The following SEC24B variants were observed in gnomAD, a reference collection of about 807,000 sequenced individuals.
The protein encoded by SEC24B is protein transport protein Sec24B.
SEC24B carries 45 observed loss-of-function variants against 142.8 expected under a neutral mutation model. The observed-to-expected ratio is 0.32, with a 90% CI of 0.25 to 0.40. The LOEUF (loss-of-function observed/expected upper bound fraction) is 0.40, where lower values mean the gene tolerates loss of function less well. Ranked by LOEUF, SEC24B falls within the 10% of genes least tolerant of loss-of-function variation. The pLI is 1.00. For synonymous variants in SEC24B, 574 were observed against 568.2 expected, an observed-to-expected ratio of 1.01 and a Z score of -0.15; for missense variants, 1,409 against 1,526.8, an observed-to-expected ratio of 0.92 and a Z score of 1.29.
In SEC24B at chr4:109,513,868, G is replaced by C. The variant is rs1390509296; in HGVS notation, c.2013+12G>C. The C allele has an allele frequency of 6.6e-7, 1 of 1,509,708 alleles. No individual in the cohort carries two copies. The highest frequency in any genetic ancestry group is 2.3e-5 in the East Asian group (1 of 44,326). The allele number at this position is 1,509,708 out of a possible 1,614,324, so 93.5% of individuals were successfully genotyped here. ...CTTCAGATTACATGGTAACTATTCA[G>C]TGTTAAGATTTGTTATGGAACACAA... is the stretch of plus-strand genomic sequence containing the variant. On this transcript the variant is annotated intron_variant, in intron 10 of 23. Transcript: ENST00000265175.
intron 21 of SEC24B, among the ~76,000 whole-genome samples, chr4:109,533,323 G>C (rs1402661324): frequency 6.6e-6 from 1 of 152,148 alleles, no homozygotes; most frequent in Non-Finnish European, 1.5e-5. Context: ...GAAATACAGT[G>C]AGTCAATTAT....
At chr4:109,435,412 A>T (rs1433447086) in intron 1 of SEC24B, among the ~76,000 whole-genome samples, 2 of 152,228 alleles carry the variant, frequency 1.3e-5, no homozygotes, top group South Asian at 2.1e-4. Context: ...AGCTTTATGA[A>T]GGAACTAGAA....
intron 4 of SEC24B, among the ~76,000 whole-genome samples, chr4:109,487,152 T>TGA (rs1308335784): frequency 7.5e-6 from 1 of 132,852 alleles, no homozygotes; most frequent in East Asian, 2.1e-4. Context: ...GTGACAAGAG[T>TGA]GAGACTCTGT....
rs1327497563 is a variant in SEC24B, at chr4:109,540,219, T to G, written c.*544T>G. ...TATAGAAAAAAATCTATATATAATG[T>G]ACATAAATGTTACATTTGTAAAGAA... On this transcript the variant is annotated 3_prime_UTR_variant, in exon 24 of 24. Transcript: ENST00000265175. The G allele has an allele frequency of 5.2e-5, 8 of 152,700 alleles. No individual in the cohort carries two copies. Among genetic ancestry groups the G allele is most frequent in the African/African-American group, 1.9e-4 (8 of 41,464 alleles). The allele number at this position is 152,700 out of a possible 1,614,324, so 9.5% of individuals were successfully genotyped here.
chr4:109,477,160 A>AC (rs1733261837), intron 3 of SEC24B, among the ~76,000 whole-genome samples: 1 of 150,232 alleles, frequency 6.7e-6, no homozygotes, highest in African/African-American at 2.4e-5. Context: ...AAAAAAAAAA[A>AC]AAAAAGACCT....
In SEC24B at chr4:109,526,248, C is replaced by T. The variant is rs925751909; in HGVS notation, c.2814C>T (p.His938=). Residue 938 remains histidine (H), a synonymous_variant, in exon 17 of 24, where the codon CAC becomes CAT. Coordinates refer to ENST00000265175, the MANE Select transcript of SEC24B (RefSeq NM_006323.5). ...TAGGTCTTTCAATGCACACTTTTCA[C>T]GGTAACTTCTTTGTCCGTTCTACTG... ...CTKGLSMHTF[H]GNFFVRSTDL... 1.7e-5 allele frequency: 27 copies of T among 1,613,650 alleles called. No individual in the cohort carries two copies. Among genetic ancestry groups the T allele is most frequent in the Middle Eastern group, 1.6e-4 (1 of 6,080 alleles).
At chr4:109,533,830 A>G (rs1725195305) in intron 22 of SEC24B, 145 bp downstream of exon 22, 2 of 633,866 alleles carry the variant, frequency 3.2e-6, no homozygotes, top group Non-Finnish European at 5.5e-6. Context: ...ACCACTATTT[A>G]GTTTCAGAAC....
chr4:109,492,665 G>A (rs1735136885), intron 5 of SEC24B, among the ~76,000 whole-genome samples: 1 of 152,106 alleles, frequency 6.6e-6, no homozygotes, highest in South Asian at 2.1e-4. Flanking sequence ...ATGAATTGTA[G>A]GCCTACTATA....
At chr4:109,482,979 T>TATATATATAGACACACACAC in intron 4 of SEC24B, among the ~76,000 whole-genome samples, 1 of 26,418 alleles carries the variant, frequency 3.8e-5, no homozygotes, top group Non-Finnish European at 7.5e-5. Flanking sequence ...TATATATATA[T>TATATATATAGACACACACAC]ACACACACAC....
chr4:109,519,044 C>T (rs1350287299), intron 11 of SEC24B, among the ~76,000 whole-genome samples: 5 of 152,042 alleles, frequency 3.3e-5, no homozygotes, highest in South Asian at 2.1e-4. Context: ...TGAGCTCAAG[C>T]GATCCACCCA....
intron 6 of SEC24B, among the ~76,000 whole-genome samples, chr4:109,503,612 G>A (rs1181211968): frequency 6.6e-6 from 1 of 151,852 alleles, no homozygotes; most frequent in Non-Finnish European, 1.5e-5. Context: ...CGCCCACTTC[G>A]GCCTCCCAAA....
chr4:109,526,326 G>A lies in SEC24B; in HGVS notation c.2892G>A (p.Leu964=), dbSNP rs1467495355. 6.2e-7 allele frequency: 1 copy of A among 1,613,804 alleles called. No individual in the cohort carries two copies. The highest frequency in any genetic ancestry group is 8.5e-7 in the Non-Finnish European group (1 of 1,179,910). ...INPDAGFAVQ[L]SIEESLTDTS... is the part of the protein sequence containing the mutation. ...CTGATGCTGGATTTGCGGTGCAGTTGTCAATTGAAGAAAGTTTAACAGATA... is the reference window on the plus strand; with the variant it reads ...CTGATGCTGGATTTGCGGTGCAGTTATCAATTGAAGAAAGTTTAACAGATA... Residue 964 remains leucine, a synonymous_variant, in exon 17 of 24, where the codon TTG becomes TTA. Coordinates refer to ENST00000265175, the MANE Select transcript of SEC24B (RefSeq NM_006323.5).
At position 109,520,390 on chromosome 4, in the gene SEC24B, A is replaced by C; in HGVS notation, c.2151A>C (p.Arg717Ser). Residue 717 changes from arginine to serine, a missense_variant, in exon 12 of 24, where the codon AGA becomes AGC. Around this residue, in one of 2 missense-constraint regions of SEC24B, gnomAD observed 700 missense variants for 853.3 expected, o/e 0.82. Coordinates refer to ENST00000265175, the MANE Select transcript of SEC24B (RefSeq NM_006323.5). ...GGCTTCCTGGAGATTCACGAACAAG[A>C]ATAGGATTCATGACCTTTGATAGCA... ...LDKLPGDSRT[R>S]IGFMTFDSTI... The C allele has an allele frequency of 6.2e-7, 1 of 1,610,038 alleles. No homozygotes were observed. The highest frequency in any genetic ancestry group is 8.5e-7 in the Non-Finnish European group (1 of 1,177,356).
chr4:109,487,121 C>T (rs1239210018), intron 4 of SEC24B, among the ~76,000 whole-genome samples: 2 of 147,878 alleles, frequency 1.4e-5, no homozygotes, highest in Non-Finnish European at 3.0e-5. Flanking sequence ...GCTGAGATCA[C>T]GCCACTGCAC....
chr4:109,495,599 G>C (rs780507911), intron 6 of SEC24B, among the ~76,000 whole-genome samples: 1 of 152,174 alleles, frequency 6.6e-6, no homozygotes, highest in Non-Finnish European at 1.5e-5. Flanking sequence ...CCTAGGGCTC[G>C]CAGATCGGTT....
intron 6 of SEC24B, 129 bp downstream of exon 6, chr4:109,494,985 T>C: frequency 9.3e-7 from 1 of 1,070,590 alleles, no homozygotes; most frequent in Non-Finnish European, 1.3e-6. Flanking sequence ...AGATCAAACA[T>C]ACATAGAATT....
Position 109,539,872 on chromosome 4 carries a change from CGAT to C in SEC24B, c.*202_*204del. The C allele has an allele frequency of 1.8e-6, 1 of 552,260 alleles. No homozygotes were observed. The highest frequency in any genetic ancestry group is 2.3e-5 in the South Asian group (1 of 42,594). The allele number at this position is 552,260 out of a possible 1,614,324, so 34.2% of individuals were successfully genotyped here. A position where few individuals can be genotyped will look rare whatever the true frequency, so the allele number is the denominator to read the frequency against. On this transcript the variant is annotated 3_prime_UTR_variant, in exon 24 of 24. Transcript: ENST00000265175. The stretch of plus-strand genomic sequence containing the variant: ...CTTTTTCAACTCAAATTAATGGTAA[CGAT>C]GATGCTGTTTCACCAAGTATATTTT...
In SEC24B at chr4:109,463,174, G is replaced by A. The variant is rs755893919; in HGVS notation, c.407G>A (p.Gly136Asp). 6.8e-6 allele frequency: 11 copies of A among 1,614,186 alleles called. No homozygotes were observed. The highest frequency in any genetic ancestry group is 9.3e-6 in the Non-Finnish European group (11 of 1,180,032). The change falls in exon 2 of 24, where the codon GGT becomes GAT. Residue 136 changes from glycine to aspartate, a missense_variant. By Grantham distance (94) the Gly-to-Asp change is moderately conservative. Coordinates refer to ENST00000265175, the MANE Select transcript of SEC24B (RefSeq NM_006323.5). ...IVGSTLGSFQGAASSASHLHT... is the reference protein window; with the variant it reads ...IVGSTLGSFQDAASSASHLHT... ...GGATCCACTCTAGGATCTTTCCAAG[G>A]TGCTGCATCGTCAGCATCCCATTTG... is the stretch of plus-strand genomic sequence containing the variant.
chr4:109,521,690 T>G, intron 14 of SEC24B, 64 bp downstream of exon 14: 1 of 1,217,770 alleles, frequency 8.2e-7, no homozygotes, highest in Non-Finnish European at 1.1e-6. Context: ...TTCTATTTCA[T>G]TAATAATAAA....
Sources: gnomAD v4.1 joint callset for allele counts (sites outside exome capture counted in the v4.1 genomes callset) on GRCh38, gnomAD v4.1.1 for gene constraint, gnomAD v4.1.1 regional missense constraint, MANE v1.5 for transcripts, NCBI Gene and HGNC (gene_info 2026-07-23, HGNC 2026-07-21) for gene names.